The following AKT1 variants were observed in gnomAD, a reference collection of about 807,000 sequenced individuals.
AKT1 encodes AKT serine/threonine kinase 1, also known as RAC-alpha serine/threonine-protein kinase.
AKT1 carries 21 observed loss-of-function variants against 63.1 expected under a neutral mutation model. That is an observed-to-expected ratio of 0.33 (90% confidence interval 0.24 to 0.48). The LOEUF (loss-of-function observed/expected upper bound fraction) is 0.48, where lower values mean the gene tolerates loss of function less well. Ranked by LOEUF, AKT1 falls within the 20% of genes least tolerant of loss-of-function variation. The probability of loss-of-function intolerance (pLI) is 0.99; values close to 1 mark genes in which losing one functional copy is unlikely to be tolerated. For synonymous variants in AKT1, 257 were observed against 253.1 expected (o/e 1.02, Z -0.15); for missense variants, 382 against 666.0 (o/e 0.57, Z 4.69).
At chr14:104,780,008 C>G in intron 4 of AKT1, 80 bp downstream of exon 4, 1 of 1,558,312 alleles carries the variant, frequency 6.4e-7, no homozygotes, top group South Asian at 1.2e-5. Flanking sequence ...CAGGGGACCC[C>G]CATCGTGGGG....
chr14:104,793,128 T>A lies in AKT1; in HGVS notation c.-81A>T. Reference sequence around the variant, plus strand: ...AAAGGCCTTCCCAGCCTCCCTAACCTGATGCACCAGCTGACAGGCTGCCTC... The same window carrying A: ...AAAGGCCTTCCCAGCCTCCCTAACCAGATGCACCAGCTGACAGGCTGCCTC... On this transcript the variant is annotated splice_region_variant and 5_prime_UTR_variant, in exon 2 of 15. Transcript: ENST00000649815. The A allele has an allele frequency of 5.2e-6, 1 of 190,694 alleles. No homozygotes were observed. The allele number at this position is 190,694 out of a possible 1,614,324, so 11.8% of individuals were successfully genotyped here.
chr14:104,791,946 A>T (rs1006336171), intron 3 of AKT1, among the ~76,000 whole-genome samples: 9 of 152,254 alleles, frequency 5.9e-5, no homozygotes, highest in African/African-American at 2.2e-4. Flanking sequence ...TGAGCAACGG[A>T]GGGTGGGTGA....
chr14:104,774,669 C>A, intron 8 of AKT1: 1 of 497,468 alleles, frequency 2.0e-6, no homozygotes, highest in Non-Finnish European at 3.6e-6. Context: ...GGAGCTGGGG[C>A]CTCCTGGAGC....
intron 3 of AKT1, among the ~76,000 whole-genome samples, chr14:104,786,559 G>A (rs1047289038): frequency 3.3e-5 from 5 of 152,206 alleles, no homozygotes; most frequent in Non-Finnish European, 7.3e-5. Context: ...AAAGTGCCCT[G>A]CATTGCTGGG....
Position 104,785,594 on chromosome 14 carries a change from C to T in AKT1, c.47-5378G>A, listed in dbSNP as rs377364385. On this transcript the variant is annotated intron_variant, in intron 3 of 14. Coordinates refer to ENST00000649815, the MANE Select transcript of AKT1 (RefSeq NM_001382430.1). ...CACCAGGCAGGCAGGGCGGGCAGGG[C>T]TCATCATGCCCATCAGCTCCCTGGG... 1.7e-3 allele frequency among the ~76,000 whole-genome samples: 264 copies of T among 152,308 alleles called. 10 individuals are homozygous for T. The South Asian group carries it at 0.04, about 23-fold the overall frequency.
At chr14:104,771,724 G>A in intron 13 of AKT1, 1 of 235,654 alleles carries the variant, frequency 4.2e-6, no homozygotes, top group Admixed American at 5.4e-5. Context: ...AAGCACACCT[G>A]GTGACAGGGC....
chr14:104,781,914 C>T (rs533054148), intron 3 of AKT1, among the ~76,000 whole-genome samples: 1 of 152,306 alleles, frequency 6.6e-6, no homozygotes, highest in South Asian at 2.1e-4. Context: ...CATCAGGAGA[C>T]CCCACCCACT....
chr14:104,792,225 C>T lies in AKT1; in HGVS notation c.46+373G>A, dbSNP rs568722572. On this transcript the variant is annotated intron_variant, in intron 3 of 14. Transcript: ENST00000649815. ...CACCAGGCCAAGCCAAGCAGCCCTGCCCTGCCCTCAGGAGCCCTTGGGCAG... is the reference window on the plus strand; with the variant it reads ...CACCAGGCCAAGCCAAGCAGCCCTGTCCTGCCCTCAGGAGCCCTTGGGCAG... 8.6e-4 allele frequency among the ~76,000 whole-genome samples: 131 copies of T among 152,338 alleles called. 1 individual carries two copies. The highest frequency in any genetic ancestry group is 3.0e-3 in the African/African-American group (123 of 41,590).
At chr14:104,792,450 T>C (rs111536101) in intron 3 of AKT1, 148 bp downstream of exon 3, 1 of 878,408 alleles carries the variant, frequency 1.1e-6, no homozygotes, top group East Asian at 2.5e-5. Context: ...TGGGAAGACA[T>C]GGGGCCCAGG....
At chr14:104,775,258 T>C in intron 6 of AKT1, 51 bp from the exon 7 acceptor site, 2 of 1,606,942 alleles carry the variant, frequency 1.2e-6, no homozygotes, top group Non-Finnish European at 1.7e-6. Flanking sequence ...AGTGCCCAGC[T>C]GGTCGGCATG....
intron 3 of AKT1, among the ~76,000 whole-genome samples, chr14:104,781,582 C>G (rs555083713): frequency 6.6e-6 from 1 of 152,172 alleles, no homozygotes; most frequent in African/African-American, 2.4e-5. Context: ...ATGGCCACCC[C>G]CCGGCCAGGT....
intron 3 of AKT1, among the ~76,000 whole-genome samples, chr14:104,791,751 C>T (rs1427987057): frequency 6.6e-6 from 1 of 152,246 alleles, no homozygotes; most frequent in East Asian, 1.9e-4. Context: ...AGCCGGGGGG[C>T]TGCTGGCATG....
intron 3 of AKT1, among the ~76,000 whole-genome samples, 194 bp downstream of exon 3, chr14:104,792,404 C>T (rs1054034172): frequency 6.6e-6 from 1 of 152,130 alleles, no homozygotes; most frequent in African/African-American, 2.4e-5. Flanking sequence ...AGGGCCTCAT[C>T]CTCCTGGCCT....
chr14:104,780,433 A>G (rs1301167047), intron 3 of AKT1, among the ~76,000 whole-genome samples: 1 of 152,178 alleles, frequency 6.6e-6, no homozygotes, highest in African/African-American at 2.4e-5. Context: ...CCCCTCTCAG[A>G]AGAGCCACCC....
chr14:104,780,935 G>A lies in AKT1; in HGVS notation c.47-719C>T, dbSNP rs1209568716. 4.6e-5 allele frequency among the ~76,000 whole-genome samples: 7 copies of A among 152,148 alleles called. No individual in the cohort carries two copies. The East Asian group carries it at 1.4e-3, about 29-fold the overall frequency. On this transcript the variant is annotated intron_variant, in intron 3 of 14. Transcript: ENST00000649815. ...CTGGGCAGGGGCCCCAGGGCACAGA[G>A]GGTGCCAAGTCCCCAGGCTGAGACC...
rs1436548924 is a variant in AKT1 at position 104,770,080 on chromosome 14, G to A, written c.*261C>T. ...TCCTTAACATTTCCCTACGTGAATC[G>A]GATTGTTCTGAGGGCTGAGGCCACA... is the stretch of plus-strand genomic sequence containing the variant. On this transcript the variant is annotated 3_prime_UTR_variant, in exon 15 of 15. Coordinates refer to ENST00000649815, the MANE Select transcript of AKT1 (RefSeq NM_001382430.1). The A allele has an allele frequency of 1.4e-5, 8 of 561,562 alleles. No individual in the cohort carries two copies. Among genetic ancestry groups the A allele is most frequent in the African/African-American group, 7.5e-5 (4 of 53,144 alleles). 34.8% of individuals were successfully genotyped at this position (561,562 alleles called of 1,614,324 possible).
chr14:104,783,191 G>A (rs567259557), intron 3 of AKT1, among the ~76,000 whole-genome samples: 11 of 152,216 alleles, frequency 7.2e-5, no homozygotes, highest in African/African-American at 2.7e-4. Flanking sequence ...CACACAAAGA[G>A]ACCAACCCAC....
chr14:104,788,373 G>C (rs1235974082), intron 3 of AKT1, among the ~76,000 whole-genome samples: 1 of 152,180 alleles, frequency 6.6e-6, no homozygotes, highest in Non-Finnish European at 1.5e-5. Context: ...GGGGTAATGA[G>C]CAGCCTCCAT....
intron 3 of AKT1, among the ~76,000 whole-genome samples, chr14:104,786,758 A>T (rs1013330784): frequency 6.6e-6 from 1 of 151,998 alleles, no homozygotes; most frequent in Non-Finnish European, 1.5e-5. Context: ...GCCTGCTGGG[A>T]CATTGTGGCC....
Sources: gnomAD v4.1 joint callset for allele counts (sites outside exome capture counted in the v4.1 genomes callset) on GRCh38, gnomAD v4.1.1 for gene constraint, MANE v1.5 for transcripts, NCBI Gene and HGNC (gene_info 2026-07-23, HGNC 2026-07-21) for gene names.